Variants in NEK7 observed in about 807,000 individuals in gnomAD.
NEK7 encodes serine/threonine-protein kinase Nek7.
Under a neutral mutation model 44.6 loss-of-function variants are expected in NEK7, and 18 were observed. That is an observed-to-expected ratio of 0.40 (90% confidence interval 0.28 to 0.60). NEK7 has a LOEUF of 0.60. NEK7 is among the 20% of genes least tolerant of loss of function. The pLI is 0.38. For synonymous variants in NEK7, 130 were observed against 121.1 expected, an observed-to-expected ratio of 1.07 and a Z score of -0.48; for missense variants, 256 against 366.5, an observed-to-expected ratio of 0.70 and a Z score of 2.46.
intron 1 of NEK7, among the ~76,000 whole-genome samples, chr1:198,181,111 A>T (rs1278463322): frequency 6.6e-6 from 1 of 152,128 alleles, no homozygotes; most frequent in South Asian, 2.1e-4. Context: ...CTCTTAGACC[A>T]TAGTATCATC....
intron 5 of NEK7, among the ~76,000 whole-genome samples, chr1:198,277,070 G>A (rs1654041108): frequency 6.6e-6 from 1 of 151,660 alleles, no homozygotes; most frequent in Admixed American, 6.6e-5. Flanking sequence ...AAAATTTTAT[G>A]GAAACCTATT....
intron 3 of NEK7, among the ~76,000 whole-genome samples, chr1:198,259,844 G>A (rs1324119224): frequency 6.6e-6 from 1 of 151,924 alleles, no homozygotes; most frequent in Admixed American, 6.6e-5. Flanking sequence ...TTTTCCTGAA[G>A]GGCATTACGC....
chr1:198,309,496 T>A (rs1390935982), intron 9 of NEK7, among the ~76,000 whole-genome samples: 1 of 152,152 alleles, frequency 6.6e-6, no homozygotes, highest in South Asian at 2.1e-4. Flanking sequence ...GTGCACAATG[T>A]GCAGGTTAGT....
intron 1 of NEK7, among the ~76,000 whole-genome samples, chr1:198,231,232 TAGCC>T (rs976013733): frequency 1.4e-4 from 21 of 147,614 alleles, no homozygotes; most frequent in Non-Finnish European, 2.4e-4. Flanking sequence ...TGCAAATAAA[TAGCC>T]AGTGCAACAG....
At chr1:198,174,136 T>G (rs1196148173) in intron 1 of NEK7, among the ~76,000 whole-genome samples, 1 of 152,206 alleles carries the variant, frequency 6.6e-6, no homozygotes, top group Non-Finnish European at 1.5e-5. Flanking sequence ...CAAAGCATAG[T>G]TCAGTTCTGA....
intron 2 of NEK7, among the ~76,000 whole-genome samples, chr1:198,251,350 G>A (rs1263936935): frequency 6.8e-6 from 1 of 146,534 alleles, no homozygotes; most frequent in Non-Finnish European, 1.5e-5. Context: ...TTTTGGTTGT[G>A]TCTCTGCCCG....
intron 1 of NEK7, among the ~76,000 whole-genome samples, chr1:198,218,277 C>G (rs780030873): frequency 2.0e-5 from 3 of 151,910 alleles, no homozygotes; most frequent in Non-Finnish European, 4.4e-5. Context: ...ACACTTAAAA[C>G]TAACTGATCT....
In NEK7 at chr1:198,322,017, A is replaced by C. The variant is rs1274791998; in HGVS notation, c.*2495A>C. 2.0e-5 allele frequency: 3 copies of C among 152,170 alleles called. No homozygotes were observed. The highest frequency in any genetic ancestry group is 7.2e-5 in the African/African-American group (3 of 41,456). The allele number at this position is 152,170 out of a possible 1,614,324, so 9.4% of individuals were successfully genotyped here. A position where few individuals can be genotyped will look rare whatever the true frequency, so the allele number is the denominator to read the frequency against. ...GATGAAGGGTATCTCTATATAAATA[A>C]AGTGCTCAACAATGTGCAATGATTG... On this transcript the variant is annotated 3_prime_UTR_variant, in exon 10 of 10. Coordinates refer to ENST00000367385, the MANE Select transcript of NEK7 (RefSeq NM_133494.3).
rs141757427 is a variant in NEK7, at chr1:198,203,760, C to T, written c.-28-28793C>T. Among the ~76,000 whole-genome samples the T allele has an allele frequency of 1.6e-4, 25 of 152,312 alleles. No homozygotes were observed. In the East Asian group the frequency reaches 4.4e-3, roughly 27 times the overall value. On this transcript the variant is annotated intron_variant, in intron 1 of 9. Transcript: ENST00000367385. Reference sequence around the variant, plus strand: ...TCACCCCCCACATCTAAAGCAGGGGCTGCTAATAAAGAGAGCTCAGAAAAA... The same window carrying T: ...TCACCCCCCACATCTAAAGCAGGGGTTGCTAATAAAGAGAGCTCAGAAAAA...
chr1:198,281,669 G>T (rs939945794), intron 7 of NEK7, among the ~76,000 whole-genome samples: 12 of 152,062 alleles, frequency 7.9e-5, no homozygotes, highest in African/African-American at 2.9e-4. Context: ...ATACATTTTT[G>T]TTGAAAAATC....
In NEK7 at chr1:198,310,583, G is replaced by A. The variant is rs540954234; in HGVS notation, c.799-8829G>A. ...GGGTTTTTATGGTTATAGGTCTAAC[G>A]TTTAAGTCTTTAATCCATCTTGAAT... is the stretch of plus-strand genomic sequence containing the variant. On this transcript the variant is annotated intron_variant, in intron 9 of 9. Transcript: ENST00000367385. Among the ~76,000 whole-genome samples, 29 of 149,942 alleles carry A rather than the reference G, an allele frequency of 1.9e-4. 1 individual carries two copies. The South Asian group carries it at 3.4e-3, about 18-fold the overall frequency.
At chr1:198,183,778 A>G (rs904085854) in intron 1 of NEK7, among the ~76,000 whole-genome samples, 4 of 152,182 alleles carry the variant, frequency 2.6e-5, no homozygotes, top group South Asian at 4.1e-4. Flanking sequence ...CTATGTGCCT[A>G]TGGTGTTCTG....
chr1:198,182,648 CTG>C (rs1231703791), intron 1 of NEK7, among the ~76,000 whole-genome samples: 4 of 152,298 alleles, frequency 2.6e-5, no homozygotes, highest in South Asian at 4.1e-4. Flanking sequence ...ATTTTAGAAA[CTG>C]TTACTTTCAA....
chr1:198,277,824 G>A (rs1654062160), intron 5 of NEK7, 137 bp from the exon 6 acceptor site: 2 of 591,792 alleles, frequency 3.4e-6, no homozygotes, highest in Non-Finnish European at 6.0e-6. Flanking sequence ...AATAATTTCA[G>A]TATAAAGATC....
chr1:198,231,085 C>T (rs1055871281), intron 1 of NEK7, among the ~76,000 whole-genome samples: 1 of 150,926 alleles, frequency 6.6e-6, no homozygotes. Context: ...AAATCAGACA[C>T]GTAATTAAGT....
intron 1 of NEK7, among the ~76,000 whole-genome samples, chr1:198,206,149 T>TA (rs771437178): frequency 3.2e-4 from 49 of 151,264 alleles, no homozygotes; most frequent in African/African-American, 9.7e-4. Context: ...CAGTTTAAGT[T>TA]AAAAAAAAAC....
intron 1 of NEK7, among the ~76,000 whole-genome samples, chr1:198,213,663 TAGG>T (rs1665840497): frequency 1.3e-5 from 2 of 152,120 alleles, no homozygotes; most frequent in South Asian, 4.1e-4. Flanking sequence ...AATACTGGGT[TAGG>T]AGTGTTACTG....
chr1:198,169,820 T>G (rs1026371919), intron 1 of NEK7, among the ~76,000 whole-genome samples: 6 of 152,220 alleles, frequency 3.9e-5, no homozygotes, highest in Non-Finnish European at 7.3e-5. Context: ...GTAGTTATCT[T>G]AGCTTCCTCT....
intron 3 of NEK7, chr1:198,256,228 T>C: frequency 7.5e-7 from 1 of 1,337,468 alleles, no homozygotes; most frequent in Non-Finnish European, 9.9e-7. Context: ...ATCCTCAGCT[T>C]AGTTTTTAAG....
Sources: allele counts gnomAD v4.1 joint callset (sites outside exome capture counted in the v4.1 genomes callset), GRCh38; gene constraint gnomAD v4.1.1; transcripts MANE v1.5; gene names NCBI Gene and HGNC (gene_info 2026-07-23, HGNC 2026-07-21).